Variants in GULP1 observed in about 807,000 individuals in gnomAD.
GULP1 encodes PTB domain-containing engulfment adapter protein 1.
A neutral mutation model predicts 40.9 loss-of-function variants in GULP1; 19 were observed. The ratio of observed to expected loss-of-function variants is 0.46; its 90% confidence interval spans 0.32 to 0.68. The LOEUF (loss-of-function observed/expected upper bound fraction) is 0.68, where lower values mean the gene tolerates loss of function less well. GULP1 is among the 30% of genes least tolerant of loss of function. The probability of loss-of-function intolerance (pLI) is 0.03; values close to 1 mark genes in which losing one functional copy is unlikely to be tolerated. For synonymous variants in GULP1, 119 were observed against 117.6 expected, an observed-to-expected ratio of 1.01 and a Z score of -0.08; for missense variants, 312 against 362.2, an observed-to-expected ratio of 0.86 and a Z score of 1.12.
intron 5 of GULP1, among the ~76,000 whole-genome samples, chr2:188,526,826 C>A (rs1395045634): frequency 6.6e-6 from 1 of 152,052 alleles, no homozygotes; most frequent in African/African-American, 2.4e-5. Context: ...AAACTAATTA[C>A]TAGGCCTAAT....
At chr2:188,512,303 A>G (rs143200531) in intron 4 of GULP1, among the ~76,000 whole-genome samples, 2 of 152,284 alleles carry the variant, frequency 1.3e-5, no homozygotes, top group East Asian at 1.9e-4. Flanking sequence ...TATGCCACCA[A>G]TATTTATTAA....
intron 7 of GULP1, among the ~76,000 whole-genome samples, chr2:188,553,286 T>G (rs1402322314): frequency 6.6e-6 from 1 of 152,036 alleles, no homozygotes; most frequent in Non-Finnish European, 1.5e-5. Context: ...CTTTCAACAT[T>G]TCTTCCTTCA....
At chr2:188,333,408 A>G (rs2041879154) in intron 1 of GULP1, among the ~76,000 whole-genome samples, 1 of 152,042 alleles carries the variant, frequency 6.6e-6, no homozygotes, top group African/African-American at 2.4e-5. Flanking sequence ...TTTTGGGCAA[A>G]TATCTCTTAC....
chr2:188,492,287 G>A (rs2062469442), intron 4 of GULP1, among the ~76,000 whole-genome samples: 1 of 152,018 alleles, frequency 6.6e-6, no homozygotes. Context: ...CACAATATGT[G>A]CTAATTATTA....
At chr2:188,312,791 C>G (rs1247606728) in intron 1 of GULP1, among the ~76,000 whole-genome samples, 1 of 152,170 alleles carries the variant, frequency 6.6e-6, no homozygotes, top group Non-Finnish European at 1.5e-5. Flanking sequence ...TAATTCTCCA[C>G]AGCCTTGCCA....
At chr2:188,526,599 A>G (rs1686210856) in intron 5 of GULP1, among the ~76,000 whole-genome samples, 2 of 152,064 alleles carry the variant, frequency 1.3e-5, no homozygotes, top group Non-Finnish European at 1.5e-5. Context: ...AAGTTTTAGG[A>G]AAAAAAAGAA....
intron 2 of GULP1, among the ~76,000 whole-genome samples, chr2:188,422,617 T>A (rs2055605316): frequency 6.6e-6 from 1 of 152,050 alleles, no homozygotes; most frequent in Non-Finnish European, 1.5e-5. Context: ...GCACATTTAT[T>A]TAAAATAAAT....
chr2:188,483,153 C>T (rs1299924892), intron 3 of GULP1, among the ~76,000 whole-genome samples: 1 of 151,886 alleles, frequency 6.6e-6, no homozygotes, highest in African/African-American at 2.4e-5. Flanking sequence ...ACTCATAGCC[C>T]ACTGATGTGG....
chr2:188,521,271 T>G (rs1455933419), intron 4 of GULP1, among the ~76,000 whole-genome samples: 2 of 152,208 alleles, frequency 1.3e-5, no homozygotes, highest in Non-Finnish European at 2.9e-5. Flanking sequence ...GATACTAGAC[T>G]TCTGTTTAGG....
intron 4 of GULP1, among the ~76,000 whole-genome samples, chr2:188,483,979 A>G (rs1210835460): frequency 6.6e-6 from 1 of 152,124 alleles, no homozygotes; most frequent in Non-Finnish European, 1.5e-5. Flanking sequence ...GCTGGAGTGC[A>G]CTGGGGAGAT....
intron 1 of GULP1, among the ~76,000 whole-genome samples, chr2:188,368,010 A>G (rs942337489): frequency 1.3e-5 from 2 of 151,986 alleles, no homozygotes; most frequent in Non-Finnish European, 2.9e-5. Context: ...TGTCTCCTTT[A>G]TAGCAGAAAC....
intron 2 of GULP1, among the ~76,000 whole-genome samples, chr2:188,413,901 T>G (rs961334892): frequency 6.6e-6 from 1 of 152,148 alleles, no homozygotes; most frequent in Non-Finnish European, 1.5e-5. Flanking sequence ...TTTAATGCAT[T>G]AAAATAAAGT....
intron 1 of GULP1, among the ~76,000 whole-genome samples, chr2:188,376,277 T>G (rs1402885185): frequency 6.6e-6 from 1 of 152,234 alleles, no homozygotes; most frequent in Non-Finnish European, 1.5e-5. Flanking sequence ...TAAATACACT[T>G]TTAAAAACAC....
chr2:188,507,924 CTTTTT>C (rs1250221282), intron 4 of GULP1, among the ~76,000 whole-genome samples: 1 of 151,718 alleles, frequency 6.6e-6, no homozygotes, highest in Non-Finnish European at 1.5e-5. Flanking sequence ...AGGTATAGTT[CTTTTT>C]GAGAAAGTGA....
At chr2:188,529,063 A>G in intron 5 of GULP1, 34 bp from the exon 6 acceptor site, 1 of 893,402 alleles carries the variant, frequency 1.1e-6, no homozygotes, top group Non-Finnish European at 1.8e-6. Context: ...ATAGAAATAG[A>G]AGTGTAGCTT....
intron 1 of GULP1, among the ~76,000 whole-genome samples, chr2:188,343,474 T>C (rs1056974724): frequency 2.6e-5 from 4 of 152,208 alleles, no homozygotes; most frequent in African/African-American, 9.6e-5. Context: ...TCTTATCTGA[T>C]AGCATCGTGA....
chr2:188,355,440 T>C (rs1249802821), intron 1 of GULP1, among the ~76,000 whole-genome samples: 1 of 151,920 alleles, frequency 6.6e-6, no homozygotes, highest in Non-Finnish European at 1.5e-5. Context: ...AGGAAATGGG[T>C]AAATCCCTGA....
chr2:188,558,781 C>T (rs1695506122), intron 7 of GULP1, among the ~76,000 whole-genome samples: 1 of 152,164 alleles, frequency 6.6e-6, no homozygotes, highest in Non-Finnish European at 1.5e-5. Flanking sequence ...AGAGGTAACT[C>T]TTGTTATGTT....
intron 3 of GULP1, among the ~76,000 whole-genome samples, chr2:188,480,715 T>A (rs1048552729): frequency 2.0e-5 from 3 of 151,696 alleles, no homozygotes; most frequent in African/African-American, 2.4e-5. Flanking sequence ...ATTAAAAAAA[T>A]TTTATATTCT....
Sources: gnomAD v4.1 joint callset for allele counts (sites outside exome capture counted in the v4.1 genomes callset) on GRCh38, gnomAD v4.1.1 for gene constraint, MANE v1.5 for transcripts, NCBI Gene and HGNC (gene_info 2026-07-23, HGNC 2026-07-21) for gene names.